The following ANP32E variants were observed in gnomAD, a reference collection of about 807,000 sequenced individuals.
ANP32E encodes the protein acidic nuclear phosphoprotein 32 family member E.
A neutral mutation model predicts 35.3 loss-of-function variants in ANP32E; 14 were observed. That is an observed-to-expected ratio of 0.40 (90% CI 0.26 to 0.62). The LOEUF is 0.62. Among genes scored for constraint, ANP32E ranks in the 20% least tolerant of loss-of-function variants. The pLI is 0.45. For missense variants in ANP32E, 198 were observed against 304.4 expected (o/e 0.65, Z 2.60); for synonymous variants, 89 against 110.4 (o/e 0.81, Z 1.22).
chr1:150,231,956 T>A, intron 1 of ANP32E, 30 bp from the exon 2 acceptor site: 1 of 1,602,550 alleles, frequency 6.2e-7, no homozygotes, highest in Non-Finnish European at 8.5e-7. Flanking sequence ...AATTAATGAT[T>A]CTTTAGTTTG....
At chr1:150,226,829 T>G (rs782692839) in intron 4 of ANP32E, 34 bp from the exon 5 acceptor site, 1 of 1,572,480 alleles carries the variant, frequency 6.4e-7, no homozygotes. Context: ...AGTAAATGAC[T>G]GGGTAAATGT....
rs1648119422 is a variant in ANP32E at position 150,218,810 on chromosome 1, T to C, written c.*1881A>G. ...AAGTGTTGTTTTCAAACCAAAGTAC[T>C]CTAATTTTGATTGCACAGTAAGATG... is the stretch of plus-strand genomic sequence containing the variant. On this transcript the variant is annotated 3_prime_UTR_variant, in exon 7 of 7. Transcript: ENST00000583931. 6.6e-6 allele frequency: 1 copy of C among 152,614 alleles called. No individual in the cohort carries two copies. The highest frequency in any genetic ancestry group is 1.9e-4 in the East Asian group (1 of 5,200). The allele number at this position is 152,614 out of a possible 1,614,324, so 9.5% of individuals were successfully genotyped here. A position where few individuals can be genotyped will look rare whatever the true frequency, so the allele number is the denominator to read the frequency against.
intron 5 of ANP32E, among the ~76,000 whole-genome samples, chr1:150,224,140 G>A (rs1311615843): frequency 1.3e-5 from 2 of 151,976 alleles, no homozygotes; most frequent in Admixed American, 6.6e-5. Context: ...AGGAGCGAAA[G>A]GAATAGATGA....
At position 150,219,497 on chromosome 1, in the gene ANP32E, G is replaced by A. The variant is rs1436694161; in HGVS notation, c.*1194C>T. ...ATTATTATATCTGTTTTAAAACTGG[G>A]AATTAAAGGTTAGAAATACTTTGCA... On this transcript the variant is annotated 3_prime_UTR_variant, in exon 7 of 7. Transcript: ENST00000583931. 6.6e-6 allele frequency: 1 copy of A among 152,094 alleles called. No homozygotes were observed. The highest frequency in any genetic ancestry group is 1.5e-5 in the Non-Finnish European group (1 of 68,018). The allele number at this position is 152,094 out of a possible 1,614,324, so 9.4% of individuals were successfully genotyped here. A position where few individuals can be genotyped will look rare whatever the true frequency, so the allele number is the denominator to read the frequency against.
At chr1:150,229,030 G>A (rs782231779) in intron 4 of ANP32E, 42 bp downstream of exon 4, 1 of 1,562,310 alleles carries the variant, frequency 6.4e-7, no homozygotes, top group South Asian at 1.2e-5. Context: ...CTACAGCAGA[G>A]GCTATAATTA....
chr1:150,222,772 A>T (rs1050678507), intron 6 of ANP32E, among the ~76,000 whole-genome samples: 24 of 150,772 alleles, frequency 1.6e-4, no homozygotes, highest in South Asian at 6.3e-4. Flanking sequence ...AACAAACAAA[A>T]ATATATATAT....
chr1:150,230,161 A>C (rs587772630), intron 3 of ANP32E, among the ~76,000 whole-genome samples: 2 of 152,230 alleles, frequency 1.3e-5, no homozygotes, highest in East Asian at 1.9e-4. Context: ...TTACAGACAT[A>C]AACCACTGTG....
At chr1:150,228,795 T>C (rs1263015652) in intron 4 of ANP32E, among the ~76,000 whole-genome samples, 5 of 152,140 alleles carry the variant, frequency 3.3e-5, no homozygotes, top group African/African-American at 1.2e-4. Context: ...AAAAATACTA[T>C]TTAAGAGGTT....
intron 6 of ANP32E, among the ~76,000 whole-genome samples, chr1:150,221,167 G>GT (rs1648330859): frequency 6.8e-6 from 1 of 146,174 alleles, no homozygotes; most frequent in African/African-American, 2.5e-5. Flanking sequence ...GCCAGGTAAG[G>GT]TGGCTCACGC....
intron 4 of ANP32E, among the ~76,000 whole-genome samples, chr1:150,228,402 T>C (rs1366640349): frequency 2.6e-5 from 4 of 152,094 alleles, no homozygotes; most frequent in Non-Finnish European, 5.9e-5. Context: ...CTAAAATCTG[T>C]TCATCGGGCC....
intron 2 of ANP32E, 37 bp downstream of exon 2, chr1:150,231,740 A>C: frequency 1.3e-6 from 2 of 1,587,542 alleles, no homozygotes; most frequent in South Asian, 2.3e-5. Flanking sequence ...TAGCCGTGGC[A>C]TTGAAATCAT....
chr1:150,223,410 GT>G, intron 5 of ANP32E, 170 bp from the exon 6 acceptor site: 1 of 821,230 alleles, frequency 1.2e-6, no homozygotes, highest in Non-Finnish European at 1.8e-6. Flanking sequence ...GCCGGGCGCG[GT>G]GGCTCACGCC....
rs782139113 is a variant in ANP32E, at chr1:150,229,056, T to A, written c.493+16A>T. 5 of 1,609,440 alleles carry A rather than the reference T, an allele frequency of 3.1e-6. No individual in the cohort carries two copies. The highest frequency in any genetic ancestry group is 4.2e-6 in the Non-Finnish European group (5 of 1,177,828). On this transcript the variant is annotated intron_variant, in intron 4 of 6. Transcript: ENST00000583931. ...GCTATAATTATGACACACTTATGAG[T>A]ATTAAGAACGATTACCCTCATCATC...
At chr1:150,234,596 A>G in intron 1 of ANP32E, 1 of 985,528 alleles carries the variant, frequency 1.0e-6, no homozygotes, top group Non-Finnish European at 1.2e-6. Context: ...TTCTAGGCTT[A>G]TTTCAGCAAG....
At chr1:150,231,414 G>A (rs1468547191) in intron 2 of ANP32E, among the ~76,000 whole-genome samples, 2 of 152,076 alleles carry the variant, frequency 1.3e-5, no homozygotes, top group African/African-American at 2.4e-5. Context: ...GGACAACATG[G>A]TGAAACCCTA....
At chr1:150,229,744 C>T (rs973373536) in intron 3 of ANP32E, among the ~76,000 whole-genome samples, 2 of 152,202 alleles carry the variant, frequency 1.3e-5, no homozygotes, top group Non-Finnish European at 2.9e-5. Context: ...TCCCAAGGTG[C>T]TAGGATTACA....
chr1:150,231,761 G>T lies in ANP32E; in HGVS notation c.204+16C>A. 1 of 1,601,862 alleles carries T rather than the reference G, an allele frequency of 6.2e-7. No homozygotes were observed. The highest frequency in any genetic ancestry group is 8.5e-7 in the Non-Finnish European group (1 of 1,175,898). ...TGGCATTGAAATCATGATGCTTCAC[G>T]TAAATGCCAACTTACTTTTCGAAGT... On this transcript the variant is annotated intron_variant, in intron 2 of 6. Coordinates refer to ENST00000583931, the MANE Select transcript of ANP32E (RefSeq NM_030920.5).
At chr1:150,233,974 C>T (rs1649569501) in intron 1 of ANP32E, among the ~76,000 whole-genome samples, 2 of 151,982 alleles carry the variant, frequency 1.3e-5, no homozygotes, top group African/African-American at 4.8e-5. Flanking sequence ...CATTTCACTG[C>T]CCTGAGACTG....
intron 4 of ANP32E, among the ~76,000 whole-genome samples, chr1:150,227,654 G>A (rs1648980256): frequency 6.6e-6 from 1 of 151,508 alleles, no homozygotes. Context: ...CTATTTGGGT[G>A]AGAGGATCAG....
Sources: gnomAD v4.1 joint callset for allele counts (sites outside exome capture counted in the v4.1 genomes callset) on GRCh38, gnomAD v4.1.1 for gene constraint, MANE v1.5 for transcripts, NCBI Gene and HGNC (gene_info 2026-07-23, HGNC 2026-07-21) for gene names.